The following CAPZA1 variants were observed in gnomAD, a reference collection of about 807,000 sequenced individuals.
CAPZA1 encodes the protein F-actin-capping protein subunit alpha-1.
CAPZA1 carries 10 observed loss-of-function variants against 40.8 expected under a neutral mutation model. That is an observed-to-expected ratio of 0.25 (90% confidence interval 0.15 to 0.42). The LOEUF (loss-of-function observed/expected upper bound fraction) is 0.42. CAPZA1 is among the 10% of genes least tolerant of loss of function. CAPZA1 has a pLI of 1.00. For missense variants in CAPZA1, 277 were observed against 353.8 expected (o/e 0.78, Z 1.74); for synonymous variants, 98 against 115.0 (o/e 0.85, Z 0.95).
rs58051216 is a variant in CAPZA1, at chr1:112,670,362, C to CTTTT, written c.*246_*249dup. On this transcript the variant is annotated 3_prime_UTR_variant, in exon 10 of 10. Transcript: ENST00000263168. ...TATATCTACGTGTAAATCTTTTTTTCTTTTTTTTTTTTTTTTTTTGGTTAA... is the reference window on the plus strand; with the variant it reads ...TATATCTACGTGTAAATCTTTTTTTCTTTTTTTTTTTTTTTTTTTTTTTGGTTAA... The CTTTT allele has an allele frequency of 0.053, 7,941 of 149,472 alleles. 241 individuals are homozygous for CTTTT. Among genetic ancestry groups the CTTTT allele is most frequent in the Non-Finnish European group, 0.066 (5,456 of 82,610 alleles). The allele number at this position is 149,472 out of a possible 1,614,324, so 9.3% of individuals were successfully genotyped here.
At chr1:112,629,093 G>A (rs926564693) in intron 1 of CAPZA1, among the ~76,000 whole-genome samples, 3 of 152,122 alleles carry the variant, frequency 2.0e-5, no homozygotes, top group African/African-American at 4.8e-5. Context: ...AAAGCCCTCC[G>A]GTGGCTTCCC....
chr1:112,648,559 G>A (rs1188814828), intron 2 of CAPZA1, among the ~76,000 whole-genome samples: 3 of 151,184 alleles, frequency 2.0e-5, no homozygotes, highest in African/African-American at 2.4e-5. Context: ...CTCATGATCC[G>A]CCTGCCTCAG....
chr1:112,668,738 A>G (rs576724237), intron 8 of CAPZA1, among the ~76,000 whole-genome samples: 2 of 152,220 alleles, frequency 1.3e-5, no homozygotes, highest in Admixed American at 6.5e-5. Flanking sequence ...CGGCCTCCCA[A>G]AGTGCTGGGA....
Position 112,653,600 on chromosome 1 carries a change from C to G in CAPZA1, c.158C>G (p.Ala53Gly), listed in dbSNP as rs772257796. The G allele has an allele frequency of 6.6e-7, 1 of 1,523,608 alleles. No individual in the cohort carries two copies. Among genetic ancestry groups the G allele is most frequent in the Admixed American group, 2.1e-5 (1 of 47,606 alleles). The allele number at this position is 1,523,608 out of a possible 1,614,324, so 94.4% of individuals were successfully genotyped here. ...AAAAAACTTTTAAAAAAAAACAGTG[C>G]ATTTGCCCAGTATAACATGGATCAG... is the stretch of plus-strand genomic sequence containing the variant. ...DNLLREGAAH[A>G]FAQYNMDQFT... is the part of the protein sequence containing the mutation. The change falls in exon 4 of 10, where the codon GCA (alanine) becomes GGA (glycine). Residue 53 changes from alanine (A) to glycine (G), a missense_variant and splice_region_variant. Physicochemically the swap from Ala to Gly is moderately conservative, Grantham distance 60. Around this residue, in one of 2 missense-constraint regions of CAPZA1, gnomAD observed 85 missense variants for 76.5 expected, o/e 1.11. Transcript: ENST00000263168.
chr1:112,659,581 TCTC>T lies in CAPZA1; in HGVS notation c.507-119_507-117del, dbSNP rs1557736704. On this transcript the variant is annotated intron_variant, in intron 6 of 9. Coordinates refer to ENST00000263168, the MANE Select transcript of CAPZA1 (RefSeq NM_006135.3). ...CAAACTGGAAATGACAGTTTCTCTC[TCTC>T]TCTTTTTTTTTTTCTTTTTTTGCAC... 232 of 693,324 alleles carry T rather than the reference TCTC, an allele frequency of 3.3e-4. 1 individual carries two copies. Among genetic ancestry groups the T allele is most frequent in the South Asian group, 5.6e-4 (28 of 49,716 alleles). The allele number at this position is 693,324 out of a possible 1,614,324, so 42.9% of individuals were successfully genotyped here. A position where few individuals can be genotyped will look rare whatever the true frequency, so the allele number is the denominator to read the frequency against.
At chr1:112,659,822 T>A in intron 7 of CAPZA1, 43 bp downstream of exon 7, 1 of 1,464,510 alleles carries the variant, frequency 6.8e-7, no homozygotes, top group Non-Finnish European at 9.5e-7. Flanking sequence ...TTCACATCTT[T>A]AAAACATGTG....
chr1:112,647,661 A>G (rs1671307257), intron 2 of CAPZA1, among the ~76,000 whole-genome samples: 1 of 152,118 alleles, frequency 6.6e-6, no homozygotes, highest in South Asian at 2.1e-4. Flanking sequence ...TTTTTGGGCC[A>G]GTGGGGCTGA....
intron 7 of CAPZA1, among the ~76,000 whole-genome samples, chr1:112,660,897 G>T (rs961739638): frequency 8.3e-6 from 1 of 120,880 alleles, no homozygotes; most frequent in African/African-American, 3.3e-5. Context: ...TCGCTCTGTC[G>T]CCCAGCCTGG....
chr1:112,658,760 G>A (rs940387636), intron 5 of CAPZA1, among the ~76,000 whole-genome samples: 6 of 152,070 alleles, frequency 3.9e-5, no homozygotes, highest in African/African-American at 9.7e-5. Flanking sequence ...CATCTGTCTT[G>A]TATGACCCAG....
chr1:112,637,634 TAG>T (rs1181601722), intron 1 of CAPZA1, among the ~76,000 whole-genome samples: 1 of 152,148 alleles, frequency 6.6e-6, no homozygotes, highest in Non-Finnish European at 1.5e-5. Context: ...TTATTTGTAA[TAG>T]AGATAAGATC....
At chr1:112,651,515 C>G (rs1671385484) in intron 3 of CAPZA1, among the ~76,000 whole-genome samples, 1 of 152,080 alleles carries the variant, frequency 6.6e-6, no homozygotes, top group African/African-American at 2.4e-5. Flanking sequence ...TACTGATGGA[C>G]TGGATGTGAA....
chr1:112,659,913 CT>C, intron 7 of CAPZA1, 134 bp downstream of exon 7: 1 of 662,992 alleles, frequency 1.5e-6, no homozygotes, highest in Non-Finnish European at 2.7e-6. Flanking sequence ...AAATAGAAGC[CT>C]CCTTCTTGGG....
chr1:112,665,761 C>G (rs1241126411), intron 7 of CAPZA1, among the ~76,000 whole-genome samples: 1 of 152,120 alleles, frequency 6.6e-6, no homozygotes, highest in Admixed American at 6.5e-5. Context: ...ATCCTCATGA[C>G]CTAATCACCT....
At chr1:112,625,234 C>G (rs926088711) in intron 1 of CAPZA1, among the ~76,000 whole-genome samples, 3 of 152,138 alleles carry the variant, frequency 2.0e-5, no homozygotes, top group African/African-American at 7.2e-5. Flanking sequence ...ACATTTGACC[C>G]CTCTGGGAGC....
Position 112,654,640 on chromosome 1 carries a change from T to A in CAPZA1, c.395T>A (p.Val132Glu), listed in dbSNP as rs1411774382. 1.9e-6 allele frequency: 3 copies of A among 1,612,944 alleles called. No homozygotes were observed. Reference protein sequence around the residue: ...ESCDSALRAYVKDHYSNGFCT... With the variant: ...ESCDSALRAYEKDHYSNGFCT... Reference sequence around the variant, plus strand: ...TGTGACAGTGCTTTAAGAGCCTATGTGAAAGACCATTATTCCAACGGCTTC... The same window carrying A: ...TGTGACAGTGCTTTAAGAGCCTATGAGAAAGACCATTATTCCAACGGCTTC... Residue 132 changes from valine (V) to glutamate (E), a missense_variant, in exon 5 of 10, where the codon GTG (valine) becomes GAG (glutamate). Physicochemically the swap from Val to Glu is moderately radical, Grantham distance 121. Coordinates refer to ENST00000263168, the MANE Select transcript of CAPZA1 (RefSeq NM_006135.3).
intron 7 of CAPZA1, among the ~76,000 whole-genome samples, chr1:112,663,477 T>C (rs1246470984): frequency 6.6e-6 from 1 of 152,172 alleles, no homozygotes; most frequent in Non-Finnish European, 1.5e-5. Flanking sequence ...GTGGTTCTTA[T>C]TATCACCCTT....
chr1:112,645,919 C>T (rs188620977), intron 1 of CAPZA1, among the ~76,000 whole-genome samples: 71 of 151,180 alleles, frequency 4.7e-4, no homozygotes, highest in Non-Finnish European at 9.1e-4. Context: ...TATGATCACA[C>T]CACAGTACTC....
chr1:112,654,210 A>G (rs1326052319), intron 4 of CAPZA1, among the ~76,000 whole-genome samples: 3 of 152,372 alleles, frequency 2.0e-5, no homozygotes, highest in East Asian at 1.9e-4. Flanking sequence ...AAGTACATAT[A>G]TAGTTATGTA....
chr1:112,627,053 CAG>C lies in CAPZA1; in HGVS notation c.39+7172_39+7173del, dbSNP rs1169420580. Among the ~76,000 whole-genome samples, 5 of 152,312 alleles carry C rather than the reference CAG, an allele frequency of 3.3e-5. No homozygotes were observed. In the East Asian group the frequency reaches 9.6e-4, roughly 29 times the overall value. On this transcript the variant is annotated intron_variant, in intron 1 of 9. Coordinates refer to ENST00000263168, the MANE Select transcript of CAPZA1 (RefSeq NM_006135.3). Reference sequence around the variant, plus strand: ...TTTATCTCACAACATCCTTATAGGACAGATACTTATGCCCATTTTACAGTAGA... The same window carrying C: ...TTTATCTCACAACATCCTTATAGGACATACTTATGCCCATTTTACAGTAGA...
Sources: gnomAD v4.1 joint callset for allele counts (sites outside exome capture counted in the v4.1 genomes callset) on GRCh38, gnomAD v4.1.1 for gene constraint, gnomAD v4.1.1 regional missense constraint, MANE v1.5 for transcripts, NCBI Gene and HGNC (gene_info 2026-07-23, HGNC 2026-07-21) for gene names.